Variants in EDNRA observed in about 807,000 individuals in gnomAD.
EDNRA encodes endothelin-1 receptor.
In EDNRA, 11 loss-of-function variants were observed where a neutral mutation model predicts 41.4. That is an observed-to-expected ratio of 0.27 (90% CI 0.17 to 0.44). The LOEUF (loss-of-function observed/expected upper bound fraction) is 0.44, where lower values mean the gene tolerates loss of function less well. Among genes scored for constraint, EDNRA ranks in the 20% least tolerant of loss-of-function variants. The pLI, the probability that EDNRA is intolerant of heterozygous loss-of-function variation, is 1.00. For missense variants in EDNRA, 294 were observed against 531.0 expected (o/e 0.55, Z 4.39); for synonymous variants, 172 against 183.0 (o/e 0.94, Z 0.49).
intron 2 of EDNRA, among the ~76,000 whole-genome samples, chr4:147,515,097 C>T (rs912819778): frequency 6.6e-6 from 1 of 152,170 alleles, no homozygotes; most frequent in Non-Finnish European, 1.5e-5. Flanking sequence ...CTTGGCTGTC[C>T]TTGGGAATCC....
At chr4:147,522,365 C>T (rs930788034) in intron 3 of EDNRA, among the ~76,000 whole-genome samples, 12 of 152,006 alleles carry the variant, frequency 7.9e-5, no homozygotes, top group African/African-American at 2.7e-4. Flanking sequence ...AGGTGAAACC[C>T]CATCTCTACA....
At chr4:147,530,705 G>A (rs1384331363) in intron 3 of EDNRA, among the ~76,000 whole-genome samples, 6 of 152,064 alleles carry the variant, frequency 3.9e-5, no homozygotes, top group Admixed American at 6.5e-5. Flanking sequence ...TAAGAGTTGT[G>A]TTTTCACAGA....
At chr4:147,534,250 T>G (rs896712252) in intron 4 of EDNRA, among the ~76,000 whole-genome samples, 53 of 152,268 alleles carry the variant, frequency 3.5e-4, no homozygotes, top group African/African-American at 1.3e-3. Context: ...GGAGAATGGG[T>G]GCTCAAAGGA....
chr4:147,505,038 T>C (rs1202089833), intron 2 of EDNRA, among the ~76,000 whole-genome samples: 1 of 123,010 alleles, frequency 8.1e-6, no homozygotes, highest in East Asian at 2.4e-4. Context: ...AAATGAATAA[T>C]CCAAATAGAA....
At chr4:147,532,414 T>G (rs1007697788) in intron 3 of EDNRA, 92 bp from the exon 4 acceptor site, 2 of 1,075,726 alleles carry the variant, frequency 1.9e-6, no homozygotes, top group Non-Finnish European at 2.8e-6. Context: ...GTATTGGCAA[T>G]GAGGAGGAAC....
At chr4:147,522,452 C>T (rs554304927) in intron 3 of EDNRA, among the ~76,000 whole-genome samples, 57 of 151,888 alleles carry the variant, frequency 3.8e-4, no homozygotes, top group African/African-American at 1.3e-3. Context: ...GCACAAGAAT[C>T]GCTTGAACCC....
intron 2 of EDNRA, among the ~76,000 whole-genome samples, chr4:147,499,797 CTTTTTTTTTTTTTTTT>C (rs58464606): frequency 5.9e-5 from 5 of 85,350 alleles, no homozygotes; most frequent in Non-Finnish European, 8.5e-5. Flanking sequence ...CTCTAAAAGT[CTTTTTTTTTTTTTTTT>C]TTTTTTTTTG....
chr4:147,484,790 CT>C (rs1201076994), intron 1 of EDNRA, among the ~76,000 whole-genome samples: 1 of 152,198 alleles, frequency 6.6e-6, no homozygotes, highest in African/African-American at 2.4e-5. Context: ...AAAAAAACTC[CT>C]GTAAAAAATT....
intron 2 of EDNRA, among the ~76,000 whole-genome samples, chr4:147,517,590 T>C (rs908926464): frequency 1.2e-4 from 18 of 152,210 alleles, no homozygotes; most frequent in African/African-American, 4.3e-4. Context: ...TTACACCTAA[T>C]AATTTTCTCC....
chr4:147,509,197 C>T (rs1310984068), intron 2 of EDNRA, among the ~76,000 whole-genome samples: 1 of 152,104 alleles, frequency 6.6e-6, no homozygotes, highest in Non-Finnish European at 1.5e-5. Flanking sequence ...GATCCTATGA[C>T]TTTGTTCAAG....
intron 2 of EDNRA, among the ~76,000 whole-genome samples, chr4:147,507,060 G>A (rs1729742516): frequency 6.6e-6 from 1 of 152,086 alleles, no homozygotes; most frequent in East Asian, 1.9e-4. Context: ...TGTAAAATTA[G>A]GAAATGGTTT....
intron 1 of EDNRA, among the ~76,000 whole-genome samples, chr4:147,482,499 G>GA (rs1340876265): frequency 2.0e-5 from 3 of 152,208 alleles, no homozygotes; most frequent in Non-Finnish European, 4.4e-5. Flanking sequence ...AGCACAGCCT[G>GA]ACTCAGATTC....
rs4456941 is a variant in EDNRA, at chr4:147,509,735, A to G, written c.421-10116A>G. ...GATTGTGCATTCCTTATGAGAATCT[A>G]ACGCCTAATGATCTGTCACTGTCTC... is the stretch of plus-strand genomic sequence containing the variant. On this transcript the variant is annotated intron_variant, in intron 2 of 7. Coordinates refer to ENST00000651419, the MANE Select transcript of EDNRA (RefSeq NM_001957.4). Among the ~76,000 whole-genome samples, 1,036 of 152,218 alleles carry G rather than the reference A, an allele frequency of 6.8e-3. 9 individuals are homozygous for G. The highest frequency in any genetic ancestry group is 0.023 in the African/African-American group (941 of 41,522).
At chr4:147,485,569 C>G in intron 1 of EDNRA, 43 bp from the exon 2 acceptor site, 1 of 1,206,424 alleles carries the variant, frequency 8.3e-7, no homozygotes, top group Non-Finnish European at 1.1e-6. Context: ...ATCTTTTTGG[C>G]AACTGGGTTT....
Position 147,502,475 on chromosome 4 carries a change from T to C in EDNRA, c.420+16374T>C, listed in dbSNP as rs112503660. ...AGTACTCATAATGGAACCAAATTAT[T>C]TCCATCTTCAACTTGAACAGCTTTT... On this transcript the variant is annotated intron_variant, in intron 2 of 7. Transcript: ENST00000651419. 2.2e-3 allele frequency among the ~76,000 whole-genome samples: 340 copies of C among 152,342 alleles called. 1 individual carries two copies. Among genetic ancestry groups the C allele is most frequent in the African/African-American group, 7.6e-3 (316 of 41,586 alleles).
intron 2 of EDNRA, among the ~76,000 whole-genome samples, chr4:147,510,148 A>C (rs1729869761): frequency 6.6e-6 from 1 of 152,176 alleles, no homozygotes; most frequent in Non-Finnish European, 1.5e-5. Context: ...TTTCTTAGGC[A>C]ATTGCTGCAT....
rs1418152292 is a variant in EDNRA, at chr4:147,532,606, G to T, written c.649G>T (p.Ala217Ser). The T allele has an allele frequency of 6.2e-7, 1 of 1,613,990 alleles. No homozygotes were observed. Among genetic ancestry groups the T allele is most frequent in the Non-Finnish European group, 8.5e-7 (1 of 1,180,018 alleles). ...CATCTGGATCCTGTCCTTTATCCTG[G>T]CCATTCCTGAAGCGATTGGCTTCGT... ...VSIWILSFIL[A>S]IPEAIGFVMV... The change falls in exon 4 of 8, where the codon GCC becomes TCC. Residue 217 changes from alanine to serine, a missense_variant. Physicochemically the swap from Ala to Ser is moderately conservative, Grantham distance 99. Transcript: ENST00000651419.
At chr4:147,532,164 A>T (rs1371244088) in intron 3 of EDNRA, among the ~76,000 whole-genome samples, 9 of 118,450 alleles carry the variant, frequency 7.6e-5, no homozygotes, top group East Asian at 6.9e-4. Context: ...AAAAAAAAAA[A>T]AAATACAAAA....
At chr4:147,526,682 C>T (rs1432784174) in intron 3 of EDNRA, among the ~76,000 whole-genome samples, 2 of 152,208 alleles carry the variant, frequency 1.3e-5, no homozygotes, top group Non-Finnish European at 2.9e-5. Context: ...ATTGGCCAAG[C>T]AGTTGCAGTG....
Sources: allele counts gnomAD v4.1 joint callset (sites outside exome capture counted in the v4.1 genomes callset), GRCh38; gene constraint gnomAD v4.1.1; transcripts MANE v1.5; gene names NCBI Gene and HGNC (gene_info 2026-07-23, HGNC 2026-07-21).